The following RGS17 variants were observed in gnomAD, a reference collection of about 807,000 sequenced individuals.
RGS17 encodes the protein regulator of G-protein signaling 17.
In RGS17, 12 loss-of-function variants were observed where a neutral mutation model predicts 25.5. The observed-to-expected ratio is 0.47, with a 90% confidence interval of 0.30 to 0.76. The LOEUF (loss-of-function observed/expected upper bound fraction) is 0.76, where lower values mean the gene tolerates loss of function less well. RGS17 is among the 30% of genes least tolerant of loss of function. The pLI is 0.07. For synonymous variants in RGS17, 71 were observed against 76.9 expected, an observed-to-expected ratio of 0.92 and a Z score of 0.40; for missense variants, 196 against 242.2, an observed-to-expected ratio of 0.81 and a Z score of 1.27.
At chr6:153,095,771 C>A (rs750395420) in intron 1 of RGS17, among the ~76,000 whole-genome samples, 2 of 152,122 alleles carry the variant, frequency 1.3e-5, no homozygotes, top group Non-Finnish European at 2.9e-5. Flanking sequence ...GCACTTAATT[C>A]TTTAGGGTCT....
At chr6:153,088,475 T>G (rs1039668904) in intron 1 of RGS17, among the ~76,000 whole-genome samples, 1 of 152,214 alleles carries the variant, frequency 6.6e-6, no homozygotes, top group African/African-American at 2.4e-5. Flanking sequence ...ATGCCTAAAT[T>G]TAAATAAAGC....
At chr6:153,105,908 A>G (rs1392258987) in intron 1 of RGS17, among the ~76,000 whole-genome samples, 2 of 152,214 alleles carry the variant, frequency 1.3e-5, no homozygotes, top group African/African-American at 2.4e-5. Flanking sequence ...GTGTGGCATC[A>G]GGAGTCTCAT....
chr6:153,049,648 G>T (rs1036654828), intron 1 of RGS17, among the ~76,000 whole-genome samples: 4 of 152,126 alleles, frequency 2.6e-5, no homozygotes, highest in African/African-American at 9.7e-5. Flanking sequence ...CTACTTGGGA[G>T]GCTGAGGCAG....
intron 1 of RGS17, among the ~76,000 whole-genome samples, chr6:153,065,891 A>G (rs1486793684): frequency 6.6e-6 from 1 of 152,118 alleles, no homozygotes; most frequent in East Asian, 1.9e-4. Flanking sequence ...GCAAGATAAT[A>G]CCAAACCTCA....
intron 1 of RGS17, among the ~76,000 whole-genome samples, chr6:153,063,234 T>C (rs1776662866): frequency 1.3e-5 from 2 of 152,130 alleles, no homozygotes; most frequent in Admixed American, 1.3e-4. Flanking sequence ...ATGAACTAAA[T>C]AAGCCACCAA....
intron 1 of RGS17, among the ~76,000 whole-genome samples, chr6:153,088,604 T>A (rs1482409373): frequency 1.3e-5 from 2 of 152,170 alleles, no homozygotes; most frequent in Non-Finnish European, 2.9e-5. Flanking sequence ...ATTCTTATGT[T>A]AGAGTCTTTT....
At chr6:153,072,050 C>A (rs762767906) in intron 1 of RGS17, among the ~76,000 whole-genome samples, 16 of 152,126 alleles carry the variant, frequency 1.1e-4, no homozygotes, top group Non-Finnish European at 1.9e-4. Context: ...TTTGTACTTT[C>A]TCTACAAGTC....
chr6:153,033,857 T>A (rs675021), intron 2 of RGS17, among the ~76,000 whole-genome samples: 8 of 152,018 alleles, frequency 5.3e-5, no homozygotes, highest in Non-Finnish European at 8.8e-5. Context: ...ATTTTACCTA[T>A]AATTTATAAC....
Position 153,099,701 on chromosome 6 carries a change from C to A in RGS17, c.-26+31423G>T, listed in dbSNP as rs919301429. On this transcript the variant is annotated intron_variant, in intron 1 of 4. Transcript: ENST00000206262. ...AGTCCTGTATTTGTTTCTGGTTGCA[C>A]CATTCATTAGTTCAGTAACTAAGCG... 4.6e-5 allele frequency among the ~76,000 whole-genome samples: 7 copies of A among 152,252 alleles called. No homozygotes were observed. The East Asian group carries it at 1.2e-3, about 25-fold the overall frequency.
At chr6:153,022,806 A>G (rs1779258978) in intron 4 of RGS17, among the ~76,000 whole-genome samples, 1 of 152,220 alleles carries the variant, frequency 6.6e-6, no homozygotes, top group Non-Finnish European at 1.5e-5. Context: ...AGCCTGAAGA[A>G]TGCAGTTTTA....
intron 1 of RGS17, among the ~76,000 whole-genome samples, chr6:153,087,640 G>C (rs955636371): frequency 2.6e-5 from 4 of 152,134 alleles, no homozygotes; most frequent in African/African-American, 9.7e-5. Flanking sequence ...TCCCCTTTCT[G>C]AAATGTTTAT....
chr6:153,043,501 A>AAC (rs2129110390), intron 2 of RGS17, among the ~76,000 whole-genome samples: 1 of 152,050 alleles, frequency 6.6e-6, no homozygotes, highest in Non-Finnish European at 1.5e-5. Context: ...AAAAAAAAAA[A>AAC]ACACATGCAA....
intron 1 of RGS17, among the ~76,000 whole-genome samples, chr6:153,066,303 A>G (rs1776707327): frequency 6.6e-6 from 1 of 152,192 alleles, no homozygotes; most frequent in African/African-American, 2.4e-5. Flanking sequence ...ACATAAGATT[A>G]TAAGAATGTA....
chr6:153,061,866 T>C (rs1403317604), intron 1 of RGS17, among the ~76,000 whole-genome samples: 1 of 152,222 alleles, frequency 6.6e-6, no homozygotes. Flanking sequence ...ACAGCTTTAC[T>C]TGGCCATCTC....
chr6:153,092,577 T>C (rs559464676), intron 1 of RGS17, among the ~76,000 whole-genome samples: 68 of 152,298 alleles, frequency 4.5e-4, no homozygotes, highest in African/African-American at 1.4e-3. Flanking sequence ...TGTACAATTA[T>C]ATATGGCTTG....
At chr6:153,110,014 T>C (rs778344506) in intron 1 of RGS17, among the ~76,000 whole-genome samples, 1 of 152,258 alleles carries the variant, frequency 6.6e-6, no homozygotes, top group Non-Finnish European at 1.5e-5. Context: ...TACTTTGATA[T>C]GGAAACATTT....
intron 1 of RGS17, among the ~76,000 whole-genome samples, chr6:153,101,841 C>T (rs550227191): frequency 2.0e-5 from 3 of 152,218 alleles, no homozygotes; most frequent in Non-Finnish European, 2.9e-5. Context: ...CTTGTTTCCC[C>T]GTCACCTTCT....
intron 2 of RGS17, 21 bp from the exon 3 acceptor site, chr6:153,026,564 T>A: frequency 6.3e-7 from 1 of 1,579,890 alleles, no homozygotes; most frequent in Non-Finnish European, 8.7e-7. Flanking sequence ...ACAGAACATT[T>A]AATTTTGTCA....
intron 1 of RGS17, among the ~76,000 whole-genome samples, chr6:153,110,798 A>G (rs1224514737): frequency 1.3e-5 from 2 of 152,202 alleles, no homozygotes; most frequent in Non-Finnish European, 2.9e-5. Flanking sequence ...GAGCCGAAGC[A>G]GGATAGGGCA....
Sources: gnomAD v4.1 joint callset for allele counts (sites outside exome capture counted in the v4.1 genomes callset) on GRCh38, gnomAD v4.1.1 for gene constraint, MANE v1.5 for transcripts, NCBI Gene and HGNC (gene_info 2026-07-23, HGNC 2026-07-21) for gene names.